The following RGS22 variants were observed in gnomAD, a reference collection of about 807,000 sequenced individuals.
RGS22 encodes regulator of G protein signaling 22, also known as regulator of G-protein signaling 22.
Under a neutral mutation model 172.9 loss-of-function variants are expected in RGS22, and 148 were observed. The ratio of observed to expected loss-of-function variants is 0.86; its 90% CI spans 0.75 to 0.98. RGS22 has a LOEUF of 0.98. Ranked by LOEUF, RGS22 falls within the 50% of genes least tolerant of loss-of-function variation. RGS22 has a pLI of 0.00. For synonymous variants in RGS22, 458 were observed against 480.2 expected, an observed-to-expected ratio of 0.95 and a Z score of 0.60; for missense variants, 1,347 against 1,440.8, an observed-to-expected ratio of 0.93 and a Z score of 1.05.
chr8:100,003,215 C>A, intron 17 of RGS22: 1 of 168,964 alleles, frequency 5.9e-6, no homozygotes, highest in South Asian at 1.1e-4. Context: ...ATACCCCATT[C>A]TCCATGATGT....
chr8:100,064,188 C>T (rs1426005811), intron 7 of RGS22, 145 bp from the exon 8 acceptor site: 3 of 576,784 alleles, frequency 5.2e-6, no homozygotes, highest in South Asian at 5.1e-5. Flanking sequence ...GGATTCTGGG[C>T]CAGTCACGGT....
chr8:100,045,558 G>A (rs1206813047), intron 11 of RGS22, among the ~76,000 whole-genome samples: 1 of 152,040 alleles, frequency 6.6e-6, no homozygotes, highest in African/African-American at 2.4e-5. Flanking sequence ...TGCATACTAT[G>A]TTGGTGAAGG....
intron 3 of RGS22, among the ~76,000 whole-genome samples, chr8:100,084,781 C>T (rs930991611): frequency 1.1e-4 from 17 of 152,166 alleles, no homozygotes; most frequent in Non-Finnish European, 2.5e-4. Context: ...CCAATTATTG[C>T]CCTAAACCTA....
At position 100,062,592 on chromosome 8, in the gene RGS22, A is replaced by G; in HGVS notation, c.1513T>C (p.Trp505Arg). 6.3e-7 allele frequency: 1 copy of G among 1,578,830 alleles called. No individual in the cohort carries two copies. Among genetic ancestry groups the G allele is most frequent in the Non-Finnish European group, 8.7e-7 (1 of 1,155,180 alleles). The change falls in exon 9 of 28, where the codon TGG becomes CGG. Residue 505 changes from tryptophan (W) to arginine (R), a missense_variant and splice_region_variant. Coordinates refer to ENST00000360863, the MANE Select transcript of RGS22 (RefSeq NM_015668.5). ...SEVLKPLLLYWAPRFCVTHSA... is the reference protein window; with the variant it reads ...SEVLKPLLLYRAPRFCVTHSA... Reference sequence around the variant, plus strand: ...AGTAACTGATTCATGTTTTCTTACCAATACAGAAGTAAAGGTTTTAAAACT... The same window carrying G: ...AGTAACTGATTCATGTTTTCTTACCGATACAGAAGTAAAGGTTTTAAAACT...
chr8:100,001,931 T>C (rs373495096), intron 18 of RGS22, among the ~76,000 whole-genome samples: 3 of 152,240 alleles, frequency 2.0e-5, no homozygotes, highest in East Asian at 3.8e-4. Flanking sequence ...CTCAAATTTA[T>C]TGAATGAGTC....
chr8:100,072,026 G>A, intron 5 of RGS22, 119 bp downstream of exon 5: 1 of 629,204 alleles, frequency 1.6e-6, no homozygotes, highest in East Asian at 3.2e-5. Context: ...GCAAGACCCT[G>A]ACTCTACAAA....
intron 24 of RGS22, among the ~76,000 whole-genome samples, chr8:99,963,190 T>A (rs976818244): frequency 2.0e-5 from 3 of 152,192 alleles, no homozygotes; most frequent in African/African-American, 7.2e-5. Flanking sequence ...CAAATTATTA[T>A]CAACCTACCT....
intron 3 of RGS22, among the ~76,000 whole-genome samples, chr8:100,090,492 T>C (rs796440790): frequency 6.6e-6 from 1 of 152,158 alleles, no homozygotes. Context: ...CTAGCAAATT[T>C]GGAATTCAAT....
At chr8:100,093,695 T>C (rs1812758322) in intron 2 of RGS22, among the ~76,000 whole-genome samples, 186 bp from the exon 3 acceptor site, 1 of 152,102 alleles carries the variant, frequency 6.6e-6, no homozygotes, top group South Asian at 2.1e-4. Flanking sequence ...CCTTCCAATC[T>C]CTGAAAGGAA....
At chr8:99,964,439 G>A (rs4593508) in intron 24 of RGS22, among the ~76,000 whole-genome samples, 1 of 144,048 alleles carries the variant, frequency 6.9e-6, no homozygotes, top group African/African-American at 2.6e-5. Flanking sequence ...TATCGTACCA[G>A]TGCACTCCAG....
intron 20 of RGS22, among the ~76,000 whole-genome samples, chr8:99,994,527 G>GAATAA (rs1205235042): frequency 6.6e-6 from 1 of 152,102 alleles, no homozygotes; most frequent in East Asian, 1.9e-4. Context: ...GCTACACAGA[G>GAATAA]AATAAAATAC....
At chr8:99,973,646 A>G (rs1429223487) in intron 23 of RGS22, among the ~76,000 whole-genome samples, 2 of 151,992 alleles carry the variant, frequency 1.3e-5, no homozygotes, top group Non-Finnish European at 2.9e-5. Flanking sequence ...GAGGCGGGCA[A>G]ATCACTAGCT....
At chr8:99,995,443 G>A (rs1050117718) in intron 20 of RGS22, among the ~76,000 whole-genome samples, 1 of 152,180 alleles carries the variant, frequency 6.6e-6, no homozygotes, top group Non-Finnish European at 1.5e-5. Context: ...CCATCAAAAA[G>A]TGGGCGAAGG....
In RGS22 at chr8:100,071,260, C is replaced by T. The variant is rs1810949424; in HGVS notation, c.594+109G>A. 3 of 972,190 alleles carry T rather than the reference C, an allele frequency of 3.1e-6. No homozygotes were observed. In the South Asian group the frequency reaches 6.0e-5, roughly 19 times the overall value. The allele number at this position is 972,190 out of a possible 1,614,324, so 60.2% of individuals were successfully genotyped here. On this transcript the variant is annotated intron_variant, in intron 6 of 27. Transcript: ENST00000360863. ...CCATGATCATATCACTGCACTCCAG[C>T]CTGGTGACAGAGTGAGATCCTGTCT...
chr8:100,070,027 C>CAA (rs777398611), intron 6 of RGS22, among the ~76,000 whole-genome samples: 1,362 of 39,658 alleles, frequency 0.034, 118 homozygotes, highest in Non-Finnish European at 0.041. Flanking sequence ...GACTCTGTCT[C>CAA]AAAAAAAAAA....
chr8:100,092,742 A>G (rs944196933), intron 3 of RGS22, among the ~76,000 whole-genome samples: 5 of 152,192 alleles, frequency 3.3e-5, no homozygotes, highest in Non-Finnish European at 7.3e-5. Context: ...TTATTCTGCT[A>G]TAGCAGCATA....
chr8:100,094,641 T>C (rs989843763), intron 2 of RGS22, among the ~76,000 whole-genome samples: 4 of 152,206 alleles, frequency 2.6e-5, no homozygotes, highest in African/African-American at 7.2e-5. Flanking sequence ...ACTACCTTAG[T>C]AGTAGTACCT....
At chr8:100,025,638 G>A (rs914163488) in intron 14 of RGS22, among the ~76,000 whole-genome samples, 1 of 152,238 alleles carries the variant, frequency 6.6e-6, no homozygotes, top group Non-Finnish European at 1.5e-5. Flanking sequence ...TTTAGGTCCT[G>A]TAAATGCCAA....
At chr8:99,963,267 G>A (rs1810398213) in intron 24 of RGS22, among the ~76,000 whole-genome samples, 1 of 152,116 alleles carries the variant, frequency 6.6e-6, no homozygotes, top group Non-Finnish European at 1.5e-5. Context: ...TTGACAAAAT[G>A]TTTAAATTCC....
Sources: allele counts gnomAD v4.1 joint callset (sites outside exome capture counted in the v4.1 genomes callset), GRCh38; gene constraint gnomAD v4.1.1; transcripts MANE v1.5; gene names NCBI Gene and HGNC (gene_info 2026-07-23, HGNC 2026-07-21).